PCNT: variants seen among roughly 807,000 people sequenced by gnomAD.
PCNT encodes pericentrin, also known as kendrin.
PCNT carries 319 observed loss-of-function variants against 380.4 expected under a neutral mutation model. That is an observed-to-expected ratio of 0.84 (90% CI 0.77 to 0.92). The LOEUF (loss-of-function observed/expected upper bound fraction) is 0.92. Among genes scored for constraint, PCNT ranks in the 40% least tolerant of loss-of-function variants. The pLI is 0.00. For missense variants in PCNT, 4,400 were observed against 4,255.3 expected (o/e 1.03, Z -0.95); for synonymous variants, 1,845 against 1,735.2 (o/e 1.06, Z -1.57).
intron 41 of PCNT, among the ~76,000 whole-genome samples, chr21:46,438,555 G>A (rs895427558): frequency 6.6e-6 from 1 of 152,138 alleles, no homozygotes; most frequent in Non-Finnish European, 1.5e-5. Flanking sequence ...CACAGACGGC[G>A]TCCTCACTGA....
chr21:46,435,415 G>A (rs1439868137), intron 38 of PCNT, among the ~76,000 whole-genome samples: 1 of 151,592 alleles, frequency 6.6e-6, no homozygotes, highest in Non-Finnish European at 1.5e-5. Context: ...TAGTAGAGAC[G>A]GGGTTTCCTC....
At chr21:46,440,752 A>C (rs2053587312) in intron 42 of PCNT, 103 bp from the exon 43 acceptor site, 1 of 798,930 alleles carries the variant, frequency 1.3e-6, no homozygotes, top group African/African-American at 1.7e-5. Context: ...TGATGGGAAA[A>C]AACAATCTGA....
At chr21:46,362,436 G>A (rs1040159816) in intron 13 of PCNT, among the ~76,000 whole-genome samples, 2 of 152,114 alleles carry the variant, frequency 1.3e-5, no homozygotes, top group Non-Finnish European at 1.5e-5. Context: ...CAGCCTTCAG[G>A]TTTTTTTGTA....
At chr21:46,442,840 T>A (rs971863659) in intron 44 of PCNT, 1 of 526,554 alleles carries the variant, frequency 1.9e-6, no homozygotes. Flanking sequence ...TATTTAATAG[T>A]GTTTAGCAAA....
At position 46,426,074 on chromosome 21, in the gene PCNT, T is replaced by TTTTC. The variant is rs1281325072; in HGVS notation, c.7320+106_7320+107insCTTT. On this transcript the variant is annotated intron_variant, in intron 33 of 46. Transcript: ENST00000359568. ...GTGGACACTAGGATTTCTTTCTTTT[T>TTTTC]TTTTTTTTTTTTTTTTTTTTTTGAG... 0.05 allele frequency: 41,632 copies of TTTTC among 840,186 alleles called. 2,344 individuals are homozygous for TTTTC. The highest frequency in any genetic ancestry group is 0.063 in the Middle Eastern group (165 of 2,622). The allele number at this position is 840,186 out of a possible 1,614,324, so 52.0% of individuals were successfully genotyped here. A position where few individuals can be genotyped will look rare whatever the true frequency, so the allele number is the denominator to read the frequency against.
intron 17 of PCNT, among the ~76,000 whole-genome samples, chr21:46,386,392 G>A (rs9980404): frequency 0.31 from 46,559 of 152,220 alleles, 8,789 homozygotes; most frequent in African/African-American, 0.54. Flanking sequence ...TGCAAGTGTC[G>A]TGCCTCATGC....
intron 12 of PCNT, among the ~76,000 whole-genome samples, chr21:46,356,317 G>A (rs917471905): frequency 6.6e-6 from 1 of 152,188 alleles, no homozygotes; most frequent in Non-Finnish European, 1.5e-5. Context: ...GGGCCTGCCT[G>A]GGCCTCCTTC....
intron 2 of PCNT, among the ~76,000 whole-genome samples, chr21:46,332,823 G>A (rs1416667204): frequency 6.6e-6 from 1 of 152,198 alleles, no homozygotes; most frequent in Non-Finnish European, 1.5e-5. Flanking sequence ...GTTAAAGCAA[G>A]CTAATCTGGG....
intron 31 of PCNT, chr21:46,421,079 T>C (rs2087229692): frequency 6.6e-6 from 1 of 152,322 alleles, no homozygotes. Context: ...AGCACTTTGT[T>C]GGTTCATTTT....
intron 32 of PCNT, among the ~76,000 whole-genome samples, chr21:46,423,436 C>T (rs960926681): frequency 2.0e-5 from 3 of 151,810 alleles, no homozygotes; most frequent in African/African-American, 7.3e-5. Context: ...AGTAATCTGC[C>T]CACCTCAGCC....
chr21:46,398,437 A>G (rs1461732114), intron 24 of PCNT, among the ~76,000 whole-genome samples, 182 bp downstream of exon 24: 1 of 152,254 alleles, frequency 6.6e-6, no homozygotes, highest in Non-Finnish European at 1.5e-5. Context: ...TTAATGGTGG[A>G]TTCACACACA....
Position 46,430,490 on chromosome 21 carries a change from G to T in PCNT, c.7914-17G>T. 1 of 1,549,942 alleles carries T rather than the reference G, an allele frequency of 6.5e-7. No individual in the cohort carries two copies. The stretch of plus-strand genomic sequence containing the variant: ...CTGGCCCACGTGGTCAGATTGTTCT[G>T]CGATGTCTCCACGCAGATCCATGCT... On this transcript the variant is annotated splice_polypyrimidine_tract_variant and intron_variant, in intron 36 of 46. Coordinates refer to ENST00000359568, the MANE Select transcript of PCNT (RefSeq NM_006031.6).
rs2839217 is a variant in PCNT, at chr21:46,346,736, G to C, written c.721-7G>C. 2.3e-5 allele frequency: 37 copies of C among 1,592,026 alleles called. No individual in the cohort carries two copies. The highest frequency in any genetic ancestry group is 2.7e-5 in the Non-Finnish European group (32 of 1,170,534). On this transcript the variant is annotated splice_polypyrimidine_tract_variant and splice_region_variant and intron_variant, in intron 4 of 46. Coordinates refer to ENST00000359568, the MANE Select transcript of PCNT (RefSeq NM_006031.6). ...GGCCCTTATCAGAGGCCTTTTCTCC[G>C]CCGCAGGCCGTGCATGGCCTTGAGC...
In PCNT at chr21:46,399,600, T is replaced by TA; in HGVS notation, c.4596dup (p.Gln1533ThrfsTer10). ...TTTTTGTTGTTTTAGGTTGAGTTGT[T>TA]ACAACAAAAGTTGAGAGAAAAGTTG... On this transcript the variant is annotated frameshift_variant, in exon 25 of 47. Transcript: ENST00000359568. LOFTEE classifies it high-confidence loss of function. 6.2e-7 allele frequency: 1 copy of TA among 1,611,884 alleles called. No homozygotes were observed. Among genetic ancestry groups the TA allele is most frequent in the Non-Finnish European group, 8.5e-7 (1 of 1,177,942 alleles).
At chr21:46,390,969 G>C (rs1395600921) in intron 20 of PCNT, 137 bp downstream of exon 20, 2 of 1,214,910 alleles carry the variant, frequency 1.6e-6, no homozygotes, top group Non-Finnish European at 2.4e-6. Flanking sequence ...AGGCACCCAT[G>C]GTTTGGGAGG....
intron 27 of PCNT, among the ~76,000 whole-genome samples, chr21:46,410,726 A>G (rs2086758742): frequency 6.6e-6 from 1 of 152,310 alleles, no homozygotes; most frequent in Middle Eastern, 3.4e-3. Flanking sequence ...CAGCGTCACC[A>G]CGAGCAGTGT....
intron 25 of PCNT, among the ~76,000 whole-genome samples, chr21:46,400,584 T>TCTTGG (rs2086389109): frequency 7.1e-6 from 1 of 141,214 alleles, no homozygotes; most frequent in Admixed American, 7.5e-5. Context: ...AGTGGCGCAA[T>TCTTGG]CTCGGCTCAC....
chr21:46,330,412 C>A (rs2083520033), intron 2 of PCNT, among the ~76,000 whole-genome samples: 1 of 152,172 alleles, frequency 6.6e-6, no homozygotes, highest in Non-Finnish European at 1.5e-5. Flanking sequence ...AGCCATCCCA[C>A]CTGGCTAAAA....
intron 15 of PCNT, among the ~76,000 whole-genome samples, chr21:46,379,673 C>G (rs1002960064): frequency 1.3e-5 from 2 of 152,148 alleles, no homozygotes; most frequent in Admixed American, 6.5e-5. Context: ...ATTGACCTAT[C>G]TTCCAGCGTG....
Sources: allele counts gnomAD v4.1 joint callset (sites outside exome capture counted in the v4.1 genomes callset), GRCh38; gene constraint gnomAD v4.1.1; transcripts MANE v1.5; gene names NCBI Gene and HGNC (gene_info 2026-07-23, HGNC 2026-07-21).